Variants in ZNF208 observed in about 807,000 individuals in gnomAD.
ZNF208 encodes zinc finger protein 208, also known as zinc finger protein 95.
In ZNF208, 10 loss-of-function variants were observed where a neutral mutation model predicts 12.1. The ratio of observed to expected loss-of-function variants is 0.83; its 90% confidence interval spans 0.51 to 1.40. ZNF208 has a LOEUF of 1.40. ZNF208 is among the 40% of genes most tolerant of loss of function. ZNF208 has a pLI of 0.00. For missense variants in ZNF208, 1,652 were observed against 1,485.0 expected, an observed-to-expected ratio of 1.11 and a Z score of -1.85; for synonymous variants, 497 against 488.4, an observed-to-expected ratio of 1.02 and a Z score of -0.23.
At chr19:21,953,650 C>A (rs1162208840) in intron 4 of ZNF208, among the ~76,000 whole-genome samples, 4 of 152,176 alleles carry the variant, frequency 2.6e-5, no homozygotes, top group African/African-American at 4.8e-5. Context: ...TACAAGAGCT[C>A]CTGAAGGAAG....
downstream of ZNF208, among the ~76,000 whole-genome samples, chr19:21,963,120 C>T (rs1415526781): frequency 2.0e-5 from 3 of 152,058 alleles, no homozygotes; most frequent in Non-Finnish European, 4.4e-5. Context: ...GCAGGCAATG[C>T]TCTTCTTACT....
downstream of ZNF208, among the ~76,000 whole-genome samples, chr19:21,963,137 A>G (rs1467133423): frequency 6.6e-6 from 1 of 152,054 alleles, no homozygotes; most frequent in Non-Finnish European, 1.5e-5. Flanking sequence ...TACTTTAACA[A>G]TGATGATGAA....
At chr19:21,965,796 T>C (rs1367796954), downstream of ZNF208, 4 of 149,154 alleles carry the variant, frequency 2.7e-5, no homozygotes, top group Admixed American at 6.6e-5. Context: ...AAATAGTTCA[T>C]TCTGAAAAAA....
chr19:21,962,855 A>G (rs553783768), downstream of ZNF208, among the ~76,000 whole-genome samples: 1 of 152,236 alleles, frequency 6.6e-6, no homozygotes, highest in South Asian at 2.1e-4. Flanking sequence ...TTTGACCAAA[A>G]TCTAGCAAAC....
At chr19:21,987,930 C>G (rs759391607) in intron 2 of ZNF208, among the ~76,000 whole-genome samples, 7 of 152,088 alleles carry the variant, frequency 4.6e-5, no homozygotes, top group Non-Finnish European at 8.8e-5. Context: ...GCACCCCACC[C>G]TTTGTGCACT....
intron 3 of ZNF208, among the ~76,000 whole-genome samples, chr19:21,984,748 A>C (rs982442235): frequency 2.0e-5 from 3 of 152,186 alleles, no homozygotes; most frequent in South Asian, 2.1e-4. Flanking sequence ...CAACCCTAAA[A>C]GTATATAGAA....
intron 4 of ZNF208, among the ~76,000 whole-genome samples, chr19:21,955,463 A>T (rs140726533): frequency 6.6e-6 from 1 of 152,186 alleles, no homozygotes; most frequent in Non-Finnish European, 1.5e-5. Context: ...TTTCAGGTAC[A>T]CCAATCAGAC....
intron 1 of ZNF208, among the ~76,000 whole-genome samples, chr19:21,989,436 T>G (rs1970689259): frequency 6.6e-6 from 1 of 152,088 alleles, no homozygotes; most frequent in South Asian, 2.1e-4. Flanking sequence ...GGCTGCATAG[T>G]ATTCCATGGT....
At position 21,974,676 on chromosome 19, in the gene ZNF208, C is replaced by T. The variant is rs1452947832; in HGVS notation, c.358G>A (p.Val120Met). The change falls in exon 4 of 4, where the codon GTG becomes ATG. Residue 120 changes from valine (V) to methionine (M), a missense_variant. Physicochemically the swap from Val to Met is conservative, Grantham distance 21 (BLOSUM62 1). Around this residue, in one of 3 missense-constraint regions of ZNF208, gnomAD observed 410 missense variants for 378.2 expected, o/e 1.08. Transcript: ENST00000397126. ...TCTTTGTGCACCTTACACTCATCCA[C>T]ATTGGTATAACCAATTTTTAAGTGT... ...NLHLKIGYTN[V>M]DECKVHKEGY... 6.2e-6 allele frequency: 10 copies of T among 1,613,758 alleles called. No individual in the cohort carries two copies. The highest frequency in any genetic ancestry group is 8.5e-6 in the Non-Finnish European group (10 of 1,179,790).
At chr19:21,979,357 C>T (rs1281086976) in intron 3 of ZNF208, among the ~76,000 whole-genome samples, 3 of 152,168 alleles carry the variant, frequency 2.0e-5, no homozygotes, top group Non-Finnish European at 4.4e-5. Flanking sequence ...AAGGGAAGCC[C>T]ATCAGACTAA....
rs756343430 is a variant in ZNF208, at chr19:21,971,517, C to G, written c.3517G>C (p.Glu1173Gln). ...AACATAACAAAGCCTTTGCCACATTCTTCACATTTGTAGGGTTTCTCTACA... is the reference window on the plus strand; with the variant it reads ...AACATAACAAAGCCTTTGCCACATTGTTCACATTTGTAGGGTTTCTCTACA... Reference protein sequence around the residue: ...HTVEKPYKCEECGKGFVMFSI... With the variant: ...HTVEKPYKCEQCGKGFVMFSI... The change falls in exon 4 of 4, where the codon GAA becomes CAA. Residue 1173 changes from glutamate to glutamine, a missense_variant. Transcript: ENST00000397126. 4.3e-6 allele frequency: 7 copies of G among 1,611,064 alleles called. No individual in the cohort carries two copies. Among genetic ancestry groups the G allele is most frequent in the Non-Finnish European group, 8.5e-7 (1 of 1,179,840 alleles).
downstream of ZNF208, among the ~76,000 whole-genome samples, chr19:21,965,557 G>A (rs1284264516): frequency 6.6e-6 from 1 of 152,002 alleles, no homozygotes; most frequent in Non-Finnish European, 1.5e-5. Flanking sequence ...CACTGCAATA[G>A]CGTAAGAAAA....
intron 4 of ZNF208, among the ~76,000 whole-genome samples, chr19:21,947,573 G>A (rs936729412): frequency 6.6e-6 from 1 of 152,072 alleles, no homozygotes; most frequent in Non-Finnish European, 1.5e-5. Context: ...TCACTGATAA[G>A]GCCTCATGCC....
chr19:21,953,533 AC>A (rs1969925949), intron 4 of ZNF208, among the ~76,000 whole-genome samples: 1 of 152,228 alleles, frequency 6.6e-6, no homozygotes, highest in Non-Finnish European at 1.5e-5. Context: ...AAGAATGTCA[AC>A]CCAGAATTTC....
intron 4 of ZNF208, among the ~76,000 whole-genome samples, chr19:21,958,538 T>G (rs1970014003): frequency 6.6e-6 from 1 of 152,154 alleles, no homozygotes; most frequent in South Asian, 2.1e-4. Context: ...TAGCTACCAG[T>G]TATCAGGGTG....
At chr19:21,950,923 A>T (rs1969878602) in intron 4 of ZNF208, among the ~76,000 whole-genome samples, 1 of 152,144 alleles carries the variant, frequency 6.6e-6, no homozygotes, top group African/African-American at 2.4e-5. Context: ...GTTTTGTGTG[A>T]TGTCTATAAA....
At chr19:21,945,968 G>A (rs1465806689) in intron 4 of ZNF208, among the ~76,000 whole-genome samples, 5 of 151,876 alleles carry the variant, frequency 3.3e-5, no homozygotes, top group African/African-American at 1.2e-4. Flanking sequence ...CTGGACTCAT[G>A]CCCTCGGATG....
chr19:21,958,007 C>G (rs2145524162), intron 4 of ZNF208, among the ~76,000 whole-genome samples: 1 of 151,952 alleles, frequency 6.6e-6, no homozygotes, highest in African/African-American at 2.4e-5. Context: ...CATAACAGCC[C>G]CCGGAGTGTG....
At chr19:21,988,968 C>T (rs1242542265) in intron 1 of ZNF208, 59 bp from the exon 2 acceptor site, 1 of 1,604,746 alleles carries the variant, frequency 6.2e-7, no homozygotes, top group African/African-American at 1.3e-5. Flanking sequence ...TTTAATTTGA[C>T]TCAAGGTAAA....
Sources: allele counts gnomAD v4.1 joint callset (sites outside exome capture counted in the v4.1 genomes callset), GRCh38; gene constraint gnomAD v4.1.1; regional missense constraint gnomAD v4.1.1; transcripts MANE v1.5; gene names NCBI Gene and HGNC (gene_info 2026-07-23, HGNC 2026-07-21).